The following PGM5 variants were observed in gnomAD, a reference collection of about 807,000 sequenced individuals.
PGM5 encodes phosphoglucomutase 5.
PGM5 carries 23 observed loss-of-function variants against 59.2 expected under a neutral mutation model. The ratio of observed to expected loss-of-function variants is 0.39; its 90% CI spans 0.28 to 0.55. PGM5 has a LOEUF of 0.55. Ranked by LOEUF, PGM5 falls within the 20% of genes least tolerant of loss-of-function variation. The pLI is 0.66. For synonymous variants in PGM5, 214 were observed against 286.0 expected (o/e 0.75, Z 2.54); for missense variants, 574 against 748.3 (o/e 0.77, Z 2.72).
chr9:68,400,266 C>T (rs145715062), intron 6 of PGM5, among the ~76,000 whole-genome samples: 1 of 152,096 alleles, frequency 6.6e-6, no homozygotes, highest in Non-Finnish European at 1.5e-5. Flanking sequence ...GCACAATCTC[C>T]TGATTATAGA....
chr9:68,469,354 GT>G (rs199720609), intron 7 of PGM5, among the ~76,000 whole-genome samples: 4 of 149,014 alleles, frequency 2.7e-5, no homozygotes, highest in African/African-American at 1.0e-4. Context: ...AAATAATAGT[GT>G]TTTTTAAAAA....
chr9:68,456,080 C>T (rs1457465876), intron 6 of PGM5, among the ~76,000 whole-genome samples: 2 of 150,314 alleles, frequency 1.3e-5, no homozygotes, highest in Non-Finnish European at 3.0e-5. Context: ...CATCCTTGAA[C>T]CTCATCTTCT....
chr9:68,427,249 G>T (rs1048836990), intron 6 of PGM5, among the ~76,000 whole-genome samples: 3 of 152,194 alleles, frequency 2.0e-5, no homozygotes, highest in Non-Finnish European at 4.4e-5. Flanking sequence ...TTGCAGGGAA[G>T]GCCCTTGCTA....
intron 2 of PGM5, among the ~76,000 whole-genome samples, chr9:68,383,450 A>G (rs1822129263): frequency 6.6e-6 from 1 of 152,038 alleles, no homozygotes; most frequent in East Asian, 1.9e-4. Context: ...TTACAATTGC[A>G]GCACACCTCA....
chr9:68,391,840 T>C lies in PGM5; in HGVS notation c.888+116T>C, dbSNP rs1410692617. 3 of 1,031,738 alleles carry C rather than the reference T, an allele frequency of 2.9e-6. No homozygotes were observed. In the African/African-American group the frequency reaches 4.8e-5, roughly 17 times the overall value. 63.9% of individuals were successfully genotyped at this position (1,031,738 alleles called of 1,614,324 possible). The stretch of plus-strand genomic sequence containing the variant: ...TAACATGTATGGGACATGTGTGCCC[T>C]AACTGGCTCTGCATCTGCCCTTCTG... On this transcript the variant is annotated intron_variant, in intron 5 of 10. Transcript: ENST00000396396.
At chr9:68,365,609 G>A (rs1248090630) in intron 1 of PGM5, among the ~76,000 whole-genome samples, 2 of 152,166 alleles carry the variant, frequency 1.3e-5, no homozygotes, top group Non-Finnish European at 2.9e-5. Context: ...AACCTCAAAA[G>A]TTCTTTTTCT....
In PGM5 at chr9:68,465,756, G is replaced by T. The variant is rs191232529; in HGVS notation, c.1159+548G>T. On this transcript the variant is annotated intron_variant, in intron 7 of 10. Transcript: ENST00000396396. ...ACTTCATCCAGTTGTTTTCTGGCTT[G>T]CATCATGTCCAAGAAGTCGGATTTA... is the stretch of plus-strand genomic sequence containing the variant. Among the ~76,000 whole-genome samples the T allele has an allele frequency of 2.6e-5, 4 of 152,226 alleles. No homozygotes were observed. In the East Asian group the frequency reaches 7.7e-4, roughly 29 times the overall value.
intron 6 of PGM5, among the ~76,000 whole-genome samples, chr9:68,422,066 C>T (rs1219920629): frequency 7.9e-5 from 12 of 151,022 alleles, no homozygotes; most frequent in African/African-American, 2.9e-4. Context: ...ATGACAGCAT[C>T]AGAATATATA....
chr9:68,405,894 T>A (rs1394861509), intron 6 of PGM5: 1 of 152,298 alleles, frequency 6.6e-6, no homozygotes, highest in Non-Finnish European at 1.5e-5. Flanking sequence ...TAAGGTGTTC[T>A]GCTAGATTCA....
At chr9:68,440,807 A>C (rs575447259) in intron 6 of PGM5, among the ~76,000 whole-genome samples, 6 of 152,206 alleles carry the variant, frequency 3.9e-5, no homozygotes, top group African/African-American at 1.4e-4. Context: ...GAATGGATAA[A>C]GATAAAAGTA....
At chr9:68,474,192 T>A (rs1225236258) in intron 7 of PGM5, among the ~76,000 whole-genome samples, 1 of 152,228 alleles carries the variant, frequency 6.6e-6, no homozygotes, top group African/African-American at 2.4e-5. Flanking sequence ...TAAAATCTCC[T>A]TGGGTGATTC....
intron 6 of PGM5, among the ~76,000 whole-genome samples, chr9:68,412,785 A>G (rs1429496697): frequency 6.6e-6 from 1 of 152,216 alleles, no homozygotes; most frequent in African/African-American, 2.4e-5. Flanking sequence ...CCATTTATAT[A>G]CACATTCTGG....
chr9:68,404,395 C>CTGGGA (rs1454663884), intron 6 of PGM5, among the ~76,000 whole-genome samples: 4 of 152,164 alleles, frequency 2.6e-5, no homozygotes, highest in African/African-American at 9.7e-5. Flanking sequence ...TCCCAAAGTG[C>CTGGGA]TGGGATTAGA....
chr9:68,397,502 A>T (rs1446662672), intron 6 of PGM5: 1 of 152,212 alleles, frequency 6.6e-6, no homozygotes. Flanking sequence ...ACCCATAAAC[A>T]GGGTGGTGAA....
At chr9:68,372,364 A>T (rs1238890525) in intron 1 of PGM5, among the ~76,000 whole-genome samples, 3 of 151,620 alleles carry the variant, frequency 2.0e-5, no homozygotes, top group Non-Finnish European at 4.4e-5. Flanking sequence ...ATCTGTCTTC[A>T]TATCTCCTCT....
At chr9:68,519,152 A>G (rs866307937) in intron 10 of PGM5, among the ~76,000 whole-genome samples, 4 of 152,120 alleles carry the variant, frequency 2.6e-5, no homozygotes, top group Non-Finnish European at 5.9e-5. Flanking sequence ...ACAAAAGCTG[A>G]GAGAGTATCT....
chr9:68,450,252 TAAAAACAAAAAC>T (rs1204291009), intron 6 of PGM5, among the ~76,000 whole-genome samples: 2 of 151,396 alleles, frequency 1.3e-5, no homozygotes, highest in Admixed American at 1.3e-4. Context: ...AAATAAAAAA[TAAAAACAAAAAC>T]AAAAACAAAA....
chr9:68,451,192 C>A (rs1554684303), intron 6 of PGM5, among the ~76,000 whole-genome samples: 2 of 152,152 alleles, frequency 1.3e-5, no homozygotes, highest in Non-Finnish European at 2.9e-5. Flanking sequence ...CATGAACCCA[C>A]TTAAAGACCT....
chr9:68,513,494 C>T (rs1342834055), intron 10 of PGM5, among the ~76,000 whole-genome samples: 1 of 151,926 alleles, frequency 6.6e-6, no homozygotes, highest in Non-Finnish European at 1.5e-5. Flanking sequence ...GAATATGAGC[C>T]CTGGTGAATT....
Sources: allele counts gnomAD v4.1 joint callset (sites outside exome capture counted in the v4.1 genomes callset), GRCh38; gene constraint gnomAD v4.1.1; transcripts MANE v1.5; gene names NCBI Gene and HGNC (gene_info 2026-07-23, HGNC 2026-07-21).